Variants in RASAL2 observed in about 807,000 individuals in gnomAD.
RASAL2 encodes the protein ras GTPase-activating protein nGAP.
In RASAL2, 58 loss-of-function variants were observed where a neutral mutation model predicts 128.9. The observed-to-expected ratio is 0.45, with a 90% CI of 0.36 to 0.56. The LOEUF (loss-of-function observed/expected upper bound fraction) is 0.56. Among genes scored for constraint, RASAL2 ranks in the 20% least tolerant of loss-of-function variants. RASAL2 has a pLI of 0.00. For missense variants in RASAL2, 1,360 were observed against 1,601.6 expected (o/e 0.85, Z 2.57); for synonymous variants, 561 against 580.8 (o/e 0.97, Z 0.49).
chr1:178,120,167 G>C (rs376763514), intron 1 of RASAL2, among the ~76,000 whole-genome samples: 5 of 152,310 alleles, frequency 3.3e-5, no homozygotes, highest in African/African-American at 9.6e-5. Flanking sequence ...AGGTTTGATG[G>C]CTTCGTTTGA....
At chr1:178,409,883 A>G (rs1265225644) in intron 4 of RASAL2, among the ~76,000 whole-genome samples, 4 of 152,244 alleles carry the variant, frequency 2.6e-5, no homozygotes, top group Non-Finnish European at 5.9e-5. Context: ...GAGGGATAGT[A>G]GAAGCCAAGC....
chr1:178,340,448 G>T (rs1669811812), intron 3 of RASAL2, among the ~76,000 whole-genome samples: 1 of 151,472 alleles, frequency 6.6e-6, no homozygotes, highest in Non-Finnish European at 1.5e-5. Context: ...TTTATTGGGG[G>T]AATATAGAAA....
At chr1:178,349,626 A>G (rs1302533588) in intron 3 of RASAL2, among the ~76,000 whole-genome samples, 5 of 151,978 alleles carry the variant, frequency 3.3e-5, no homozygotes, top group African/African-American at 1.2e-4. Context: ...TAATCTAGTC[A>G]TACCTTAATT....
intron 1 of RASAL2, among the ~76,000 whole-genome samples, chr1:178,232,164 G>A (rs1664037167): frequency 6.6e-6 from 1 of 152,072 alleles, no homozygotes; most frequent in Non-Finnish European, 1.5e-5. Flanking sequence ...TTTATTGGTA[G>A]TCTGAAGTCT....
chr1:178,197,543 A>G (rs1662701713), intron 1 of RASAL2, among the ~76,000 whole-genome samples: 1 of 149,952 alleles, frequency 6.7e-6, no homozygotes, highest in South Asian at 2.1e-4. Flanking sequence ...CAGGAAAGGG[A>G]GGCTGCAGTG....
chr1:178,114,693 TTCTA>T (rs1659461561), intron 1 of RASAL2, among the ~76,000 whole-genome samples: 1 of 152,138 alleles, frequency 6.6e-6, no homozygotes, highest in African/African-American at 2.4e-5. Context: ...GGCTAATTTT[TTCTA>T]TCTTTTAGTA....
chr1:178,224,177 T>C (rs966754195), intron 1 of RASAL2, among the ~76,000 whole-genome samples: 17 of 151,940 alleles, frequency 1.1e-4, no homozygotes, highest in Admixed American at 1.0e-3. Context: ...ATTGAACCTC[T>C]GATTGAACCA....
intron 3 of RASAL2, among the ~76,000 whole-genome samples, chr1:178,339,971 A>G (rs1398480512): frequency 6.6e-6 from 1 of 152,174 alleles, no homozygotes; most frequent in African/African-American, 2.4e-5. Context: ...TCAAACATAA[A>G]TAACATCATC....
intron 3 of RASAL2, among the ~76,000 whole-genome samples, chr1:178,324,084 C>CCA: frequency 6.6e-6 from 1 of 152,176 alleles, no homozygotes; most frequent in Non-Finnish European, 1.5e-5. Context: ...CTCTGAACCT[C>CCA]AGCTTCCTTG....
At chr1:178,310,518 A>T (rs12022185) in intron 3 of RASAL2, among the ~76,000 whole-genome samples, 2 of 152,072 alleles carry the variant, frequency 1.3e-5, no homozygotes, top group South Asian at 4.1e-4. Flanking sequence ...ACTAAAATCA[A>T]TTTTACTGTT....
chr1:178,113,440 G>C (rs1659408109), intron 1 of RASAL2, among the ~76,000 whole-genome samples: 1 of 151,688 alleles, frequency 6.6e-6, no homozygotes, highest in Admixed American at 6.6e-5. Context: ...TAGTAGCTAG[G>C]ACTGCAGGCA....
Position 178,184,333 on chromosome 1 carries a change from T to A in RASAL2, c.202+89639T>A, listed in dbSNP as rs139280922. On this transcript the variant is annotated intron_variant, in intron 1 of 17. Transcript: ENST00000367649. ...TGCAAATTAATTTTTTCATGGAGTA[T>A]GCTTTTGGTGTTACATCCAAAAACT... Among the ~76,000 whole-genome samples, 1,071 of 152,144 alleles carry A rather than the reference T, an allele frequency of 7.0e-3. 13 individuals are homozygous for A. Among genetic ancestry groups the A allele is most frequent in the African/African-American group, 0.024 (1,013 of 41,552 alleles).
In RASAL2 at chr1:178,476,533, T is replaced by C. The variant is rs1031761190; in HGVS notation, c.*3294T>C. On this transcript the variant is annotated 3_prime_UTR_variant, in exon 18 of 18. Transcript: ENST00000367649. ...GTAAGAAAAATGTGGTAAAATGAGG[T>C]AATCATGCTGCTATAGCTTTTTGCT... 1 of 152,180 alleles carries C rather than the reference T, an allele frequency of 6.6e-6. No individual in the cohort carries two copies. Among genetic ancestry groups the C allele is most frequent in the Admixed American group, 6.5e-5 (1 of 15,278 alleles). 9.4% of individuals were successfully genotyped at this position (152,180 alleles called of 1,614,324 possible). A position where few individuals can be genotyped will look rare whatever the true frequency, so the allele number is the denominator to read the frequency against.
At chr1:178,426,175 ATTCATATAAAAACTTGTATGTGAATG>A (rs1432380301) in intron 5 of RASAL2, among the ~76,000 whole-genome samples, 3 of 152,190 alleles carry the variant, frequency 2.0e-5, no homozygotes, top group East Asian at 3.8e-4. Flanking sequence ...AAAAATATAT[ATTCATATAAAAACTTGTATGTGAATG>A]TTCATAACAA....
In RASAL2 at chr1:178,145,098, A is replaced by G. The variant is rs1299180536; in HGVS notation, c.202+50404A>G. ...AAAAAGCTCTATGGAAAGTTATTTT[A>G]TAGCAAACACAAGGGAAAGGTATTT... On this transcript the variant is annotated intron_variant, in intron 1 of 17. Coordinates refer to ENST00000367649, the MANE Select transcript of RASAL2 (RefSeq NM_170692.4). 2.0e-5 allele frequency among the ~76,000 whole-genome samples: 3 copies of G among 152,322 alleles called. No homozygotes were observed. In the East Asian group the frequency reaches 5.8e-4, roughly 29 times the overall value.
chr1:178,390,125 T>C lies in RASAL2; in HGVS notation c.483T>C (p.Arg161=). The stretch of plus-strand genomic sequence containing the variant: ...AGGTACCAGCAGAAAGGTCCCCTCG[T>C]AGACGGAGTATCTCAGGGACCAGTA... ...KLEVPAERSP[R]RRSISGTSTS... is the part of the protein sequence containing the mutation. The change falls in exon 4 of 18, where the codon CGT becomes CGC. Residue 161 remains arginine (R), a synonymous_variant. Transcript: ENST00000367649. 1 of 1,612,488 alleles carries C rather than the reference T, an allele frequency of 6.2e-7. No individual in the cohort carries two copies. The highest frequency in any genetic ancestry group is 8.5e-7 in the Non-Finnish European group (1 of 1,179,276).
intron 4 of RASAL2, among the ~76,000 whole-genome samples, chr1:178,391,066 G>A (rs10913545): frequency 0.11 from 16,153 of 152,136 alleles, 911 homozygotes; most frequent in Middle Eastern, 0.14. Flanking sequence ...GAAAAACCTT[G>A]AAAGAAACTA....
intron 3 of RASAL2, among the ~76,000 whole-genome samples, chr1:178,303,767 A>G (rs1667870598): frequency 6.6e-6 from 1 of 152,110 alleles, no homozygotes; most frequent in Non-Finnish European, 1.5e-5. Flanking sequence ...GTATATATAA[A>G]TGCTTCCTCG....
chr1:178,353,955 A>C (rs938271692), intron 3 of RASAL2, among the ~76,000 whole-genome samples: 3 of 150,360 alleles, frequency 2.0e-5, no homozygotes, highest in African/African-American at 7.5e-5. Flanking sequence ...TGGGTGACAA[A>C]AATGAAACCC....
Sources: allele counts gnomAD v4.1 joint callset (sites outside exome capture counted in the v4.1 genomes callset), GRCh38; gene constraint gnomAD v4.1.1; transcripts MANE v1.5; gene names NCBI Gene and HGNC (gene_info 2026-07-23, HGNC 2026-07-21).